The following LAMA4 variants were observed in gnomAD, a reference collection of about 807,000 sequenced individuals.
The protein encoded by LAMA4 is laminin subunit alpha 4, also known as laminin subunit alpha-4.
A neutral mutation model predicts 207.1 loss-of-function variants in LAMA4; 127 were observed. The observed-to-expected ratio is 0.61, with a 90% CI of 0.53 to 0.71. LAMA4 has a LOEUF of 0.71. Ranked by LOEUF, LAMA4 falls within the 30% of genes least tolerant of loss-of-function variation. The pLI, the probability that LAMA4 is intolerant of heterozygous loss-of-function variation, is 0.00. For synonymous variants in LAMA4, 761 were observed against 816.0 expected (o/e 0.93, Z 1.15); for missense variants, 2,093 against 2,246.5 (o/e 0.93, Z 1.38).
At chr6:112,114,458 C>T (rs950466118) in intron 37 of LAMA4, among the ~76,000 whole-genome samples, 1 of 152,028 alleles carries the variant, frequency 6.6e-6, no homozygotes, top group Non-Finnish European at 1.5e-5. Flanking sequence ...TTGAAGCAAC[C>T]CCTTAACACA....
intron 2 of LAMA4, 62 bp from the exon 3 acceptor site, chr6:112,216,531 T>G: frequency 1.8e-6 from 2 of 1,106,444 alleles, no homozygotes; most frequent in Non-Finnish European, 2.8e-6. Context: ...CAATATTTTC[T>G]GAGAAGAAAT....
intron 4 of LAMA4, among the ~76,000 whole-genome samples, chr6:112,202,820 C>T (rs1403428336): frequency 1.3e-5 from 2 of 152,180 alleles, no homozygotes; most frequent in African/African-American, 2.4e-5. Flanking sequence ...CAGGAACCCG[C>T]GCTTCCATCT....
intron 3 of LAMA4, among the ~76,000 whole-genome samples, chr6:112,207,390 C>G (rs574370563): frequency 1.3e-4 from 20 of 152,182 alleles, no homozygotes; most frequent in African/African-American, 4.8e-4. Flanking sequence ...CCTGGGGACT[C>G]TAGAGTTTGT....
chr6:112,250,203 A>G (rs1354197467), intron 2 of LAMA4, among the ~76,000 whole-genome samples: 1 of 152,244 alleles, frequency 6.6e-6, no homozygotes, highest in Non-Finnish European at 1.5e-5. Context: ...TGGAGGTCTT[A>G]GTGTGATCTC....
At chr6:112,224,951 T>TA (rs1276046511) in intron 2 of LAMA4, among the ~76,000 whole-genome samples, 11 of 150,660 alleles carry the variant, frequency 7.3e-5, no homozygotes, top group African/African-American at 2.0e-4. Flanking sequence ...TTTTTTTTTT[T>TA]AATTTAATTT....
chr6:112,154,920 T>C lies in LAMA4; in HGVS notation c.1987A>G (p.Ile663Val). 6.2e-7 allele frequency: 1 copy of C among 1,613,188 alleles called. No homozygotes were observed. Among genetic ancestry groups the C allele is most frequent in the Non-Finnish European group, 8.5e-7 (1 of 1,179,242 alleles). ...DAVSGIDTQI[I>V]YHKDESENLL... ...TTCTCACTTTCATCTTTATGGTAAA[T>C]GATTTGAGTATCAATCCCACTCACC... The change falls in exon 16 of 39, where the codon ATT (isoleucine) becomes GTT (valine). Residue 663 changes from isoleucine to valine, a missense_variant. Physicochemically the swap from Ile to Val is conservative, Grantham distance 29. Transcript: ENST00000230538.
chr6:112,254,227 C>T lies in LAMA4; in HGVS notation c.-77G>A, dbSNP rs1439268744. On this transcript the variant is annotated 5_prime_UTR_variant, in exon 2 of 39. Coordinates refer to ENST00000230538, the MANE Select transcript of LAMA4 (RefSeq NM_001105206.3). ...TCCGTAGGTCTCCCGCGTGGTGCGG[C>T]GGTGCCTCGCTTATTTTCCCTCCTC... is the stretch of plus-strand genomic sequence containing the variant. 1.3e-6 allele frequency: 2 copies of T among 1,580,942 alleles called. No homozygotes were observed. Among genetic ancestry groups the T allele is most frequent in the East Asian group, 2.2e-5 (1 of 44,510 alleles).
At position 112,120,342 on chromosome 6, in the gene LAMA4, C is replaced by G. The variant is rs1378834238; in HGVS notation, c.4606G>C (p.Gly1536Arg). 1.9e-6 allele frequency: 3 copies of G among 1,613,574 alleles called. No homozygotes were observed. Among genetic ancestry groups the G allele is most frequent in the Non-Finnish European group, 2.5e-6 (3 of 1,179,776 alleles). ...CTTCTAATCTTCAGTTTTTTGTGAC[C>G]AACATTAAACATGTAAACCAAGCGG... ...HGRLVYMFNVGHKKLKIRSQE... is the reference protein window; with the variant it reads ...HGRLVYMFNVRHKKLKIRSQE... The change falls in exon 33 of 39, where the codon GGT (glycine) becomes CGT (arginine). Residue 1536 changes from glycine (G) to arginine (R), a missense_variant. Physicochemically the swap from Gly to Arg is moderately radical, Grantham distance 125. Coordinates refer to ENST00000230538, the MANE Select transcript of LAMA4 (RefSeq NM_001105206.3).
At chr6:112,217,073 C>T (rs779142801) in intron 2 of LAMA4, among the ~76,000 whole-genome samples, 2 of 152,188 alleles carry the variant, frequency 1.3e-5, no homozygotes, top group Non-Finnish European at 2.9e-5. Context: ...ATATGTATTT[C>T]ATTTGTCTTC....
In LAMA4 at chr6:112,108,016, G is replaced by A. The variant is rs138998230; in HGVS notation, c.*1421C>T. ...TGAACAGACATTAGCTATGTTTATCGATATCTTCAACATTATCATTATTTG... is the reference window on the plus strand; with the variant it reads ...TGAACAGACATTAGCTATGTTTATCAATATCTTCAACATTATCATTATTTG... On this transcript the variant is annotated 3_prime_UTR_variant, in exon 39 of 39. Coordinates refer to ENST00000230538, the MANE Select transcript of LAMA4 (RefSeq NM_001105206.3). Among the ~76,000 whole-genome samples the A allele has an allele frequency of 2.6e-5, 4 of 152,134 alleles. No individual in the cohort carries two copies. The highest frequency in any genetic ancestry group is 4.8e-5 in the African/African-American group (2 of 41,516).
intron 21 of LAMA4, 82 bp downstream of exon 21, chr6:112,141,276 G>A: frequency 8.3e-7 from 1 of 1,202,156 alleles, no homozygotes; most frequent in South Asian, 1.2e-5. Flanking sequence ...GTATGTGTGT[G>A]TGTGTGTGCA....
intron 3 of LAMA4, among the ~76,000 whole-genome samples, 153 bp downstream of exon 3, chr6:112,216,215 G>T (rs1413977352): frequency 3.3e-5 from 5 of 152,208 alleles, no homozygotes; most frequent in African/African-American, 4.8e-5. Context: ...TAGTTTATAT[G>T]AGTTGTTTCA....
chr6:112,123,270 G>T (rs1778483781), intron 31 of LAMA4, among the ~76,000 whole-genome samples: 1 of 152,112 alleles, frequency 6.6e-6, no homozygotes, highest in South Asian at 2.1e-4. Context: ...AAAAATTCAG[G>T]ATTACTGAAT....
intron 16 of LAMA4, among the ~76,000 whole-genome samples, chr6:112,153,726 T>C (rs1484780043): frequency 2.0e-5 from 3 of 152,184 alleles, no homozygotes; most frequent in Non-Finnish European, 4.4e-5. Flanking sequence ...TTACTGTTAA[T>C]ATTCTAATTC....
At chr6:112,162,901 G>A (rs1190797022) in intron 13 of LAMA4, among the ~76,000 whole-genome samples, 1 of 150,790 alleles carries the variant, frequency 6.6e-6, no homozygotes, top group Non-Finnish European at 1.5e-5. Flanking sequence ...CTAGGACCAA[G>A]CACAGAGCCA....
At chr6:112,197,083 T>C (rs1388650525) in intron 5 of LAMA4, among the ~76,000 whole-genome samples, 2 of 152,214 alleles carry the variant, frequency 1.3e-5, no homozygotes, top group Non-Finnish European at 2.9e-5. Flanking sequence ...TAAATCATTG[T>C]CTGTAAAGTT....
chr6:112,127,942 T>G (rs180849330), intron 31 of LAMA4, among the ~76,000 whole-genome samples: 1 of 152,232 alleles, frequency 6.6e-6, no homozygotes, highest in African/African-American at 2.4e-5. Context: ...AGAATAGTAG[T>G]CAGGTTGGAA....
At chr6:112,180,128 C>T (rs1782267632) in intron 9 of LAMA4, among the ~76,000 whole-genome samples, 1 of 152,072 alleles carries the variant, frequency 6.6e-6, no homozygotes, top group African/African-American at 2.4e-5. Context: ...GCACAACACC[C>T]CTAGTTTTTA....
chr6:112,215,623 C>A (rs545206175), intron 3 of LAMA4, among the ~76,000 whole-genome samples: 1 of 152,160 alleles, frequency 6.6e-6, no homozygotes, highest in Admixed American at 6.5e-5. Flanking sequence ...CTTATAAATG[C>A]CCTCTATGAC....
Sources: gnomAD v4.1 joint callset for allele counts (sites outside exome capture counted in the v4.1 genomes callset) on GRCh38, gnomAD v4.1.1 for gene constraint, MANE v1.5 for transcripts, NCBI Gene and HGNC (gene_info 2026-07-23, HGNC 2026-07-21) for gene names.